Variants in PCDHGA12 observed in about 807,000 individuals in gnomAD.
PCDHGA12 encodes the protein protocadherin gamma-A12.
PCDHGA12 carries 43 observed loss-of-function variants against 61.1 expected under a neutral mutation model. The observed-to-expected ratio is 0.70, with a 90% CI of 0.55 to 0.91. The LOEUF (loss-of-function observed/expected upper bound fraction) is 0.91. Among genes scored for constraint, PCDHGA12 ranks in the 40% least tolerant of loss-of-function variants. PCDHGA12 has a pLI of 0.00. For synonymous variants in PCDHGA12, 520 were observed against 542.9 expected (o/e 0.96, Z 0.59); for missense variants, 1,236 against 1,227.7 (o/e 1.01, Z -0.10).
intron 1 of PCDHGA12, among the ~76,000 whole-genome samples, chr5:141,435,011 A>G (rs2097737147): frequency 6.6e-6 from 1 of 152,126 alleles, no homozygotes; most frequent in African/African-American, 2.4e-5. Flanking sequence ...TTTATCAATG[A>G]TAATGCTCTT....
chr5:141,448,044 C>T (rs2098559539), intron 1 of PCDHGA12, among the ~76,000 whole-genome samples: 1 of 151,942 alleles, frequency 6.6e-6, no homozygotes, highest in African/African-American at 2.4e-5. Context: ...CAAGATCATG[C>T]CATTGCTCTC....
intron 2 of PCDHGA12, among the ~76,000 whole-genome samples, chr5:141,500,428 C>G (rs1224554560): frequency 6.6e-6 from 1 of 151,836 alleles, no homozygotes; most frequent in African/African-American, 2.4e-5. Context: ...CCAGGATGGT[C>G]TCGATCTCCT....
intron 1 of PCDHGA12, among the ~76,000 whole-genome samples, chr5:141,449,869 T>G (rs1003364964): frequency 6.6e-6 from 1 of 151,924 alleles, no homozygotes; most frequent in African/African-American, 2.4e-5. Flanking sequence ...ATCAGAAAAT[T>G]TAACATCAAT....
intron 2 of PCDHGA12, among the ~76,000 whole-genome samples, chr5:141,500,289 A>G (rs1440166636): frequency 6.6e-6 from 1 of 151,486 alleles, no homozygotes; most frequent in African/African-American, 2.4e-5. Flanking sequence ...GCTCACTGCA[A>G]GCTCCGCCTC....
At chr5:141,478,506 ATAGGCAGGTGTTGGG>A in intron 1 of PCDHGA12, 1 of 1,612,314 alleles carries the variant, frequency 6.2e-7, no homozygotes, top group Non-Finnish European at 8.5e-7. Context: ...CCGGTGTTCT[ATAGGCAGGTGTTGGG>A]TGCAGAGAGC....
In PCDHGA12 at chr5:141,505,323, G is replaced by T. The variant is rs996747379; in HGVS notation, c.2484-70G>T. 12 of 1,606,640 alleles carry T rather than the reference G, an allele frequency of 7.5e-6. No homozygotes were observed. In the African/African-American group the frequency reaches 1.5e-4, roughly 20 times the overall value. On this transcript the variant is annotated intron_variant, in intron 2 of 3. Transcript: ENST00000252085. Reference sequence around the variant, plus strand: ...TAGGGTACTAGGTTTGGGAGCCCTGGGAGAGGACAGGAGGGGCATGAGCTG... The same window carrying T: ...TAGGGTACTAGGTTTGGGAGCCCTGTGAGAGGACAGGAGGGGCATGAGCTG...
intron 1 of PCDHGA12, among the ~76,000 whole-genome samples, chr5:141,457,224 A>G (rs1176186371): frequency 6.6e-6 from 1 of 152,158 alleles, no homozygotes; most frequent in African/African-American, 2.4e-5. Flanking sequence ...GTGGTAGGTA[A>G]TTTCCATCTA....
Position 141,432,400 on chromosome 5 carries a change from G to C in PCDHGA12, c.1641G>C (p.Ser547=), listed in dbSNP as rs139153105. ...ACCCGCCCCTCAGCAGCAACGTGTC[G>C]TTGAGCCTGTTCGTGCTGGACCAGA... is the stretch of plus-strand genomic sequence containing the variant. ...NGHPPLSSNV[S]LSLFVLDQND... The change falls in exon 1 of 4, where the codon TCG becomes TCC. Residue 547 remains serine, a synonymous_variant. Coordinates refer to ENST00000252085, the MANE Select transcript of PCDHGA12 (RefSeq NM_003735.3). This position sits in a 1 kb window ranked among gnomAD's most constrained non-coding sequence, Gnocchi z 6.0. 1.2e-6 allele frequency: 2 copies of C among 1,614,240 alleles called. No individual in the cohort carries two copies. Among genetic ancestry groups the C allele is most frequent in the South Asian group, 2.2e-5 (2 of 91,090 alleles).
At position 141,490,108 on chromosome 5, in the gene PCDHGA12, C is replaced by T. The variant is rs566655929; in HGVS notation, c.2425-4699C>T. 1.4e-5 allele frequency: 22 copies of T among 1,614,244 alleles called. No individual in the cohort carries two copies. Among genetic ancestry groups the T allele is most frequent in the South Asian group, 5.5e-5 (5 of 91,090 alleles). The stretch of plus-strand genomic sequence containing the variant: ...TGGAGACCACACATCTGAGGCAGTG[C>T]GGAACCTCTTTGGCCTAGACCCTAG... On this transcript the variant is annotated intron_variant, in intron 1 of 3. Coordinates refer to ENST00000252085, the MANE Select transcript of PCDHGA12 (RefSeq NM_003735.3). This position sits in a 1 kb window ranked among gnomAD's most constrained non-coding sequence, Gnocchi z 5.4.
intron 2 of PCDHGA12, among the ~76,000 whole-genome samples, chr5:141,504,036 G>T (rs1472706342): frequency 6.6e-6 from 1 of 152,080 alleles, no homozygotes; most frequent in African/African-American, 2.4e-5. Flanking sequence ...ACTCATTTAG[G>T]CAACAAATAT....
chr5:141,496,144 T>C (rs1478887814), intron 2 of PCDHGA12, among the ~76,000 whole-genome samples: 1 of 151,780 alleles, frequency 6.6e-6, no homozygotes, highest in Non-Finnish European at 1.5e-5. Context: ...GAGCCTTTGA[T>C]CGCAGCTCTC....
At position 141,476,632 on chromosome 5, in the gene PCDHGA12, T is replaced by A. The variant is rs994726301; in HGVS notation, c.2425-18175T>A. ...TGGGAAGCAACTCTTTACAAACCTATGAGCTGAGCCGAAATGAATACTTTG... is the reference window on the plus strand; with the variant it reads ...TGGGAAGCAACTCTTTACAAACCTAAGAGCTGAGCCGAAATGAATACTTTG... On this transcript the variant is annotated intron_variant, in intron 1 of 3. Transcript: ENST00000252085. The surrounding 1 kb of genome is among the most constrained non-coding windows in gnomAD (Gnocchi z 7.6). 1 of 1,614,216 alleles carries A rather than the reference T, an allele frequency of 6.2e-7. No individual in the cohort carries two copies. The highest frequency in any genetic ancestry group is 8.5e-7 in the Non-Finnish European group (1 of 1,180,028).
chr5:141,449,622 T>A (rs889336036), intron 1 of PCDHGA12, among the ~76,000 whole-genome samples: 1 of 150,910 alleles, frequency 6.6e-6, no homozygotes, highest in African/African-American at 2.4e-5. Context: ...AAAAGTTTTT[T>A]AAAAAGATGT....
chr5:141,492,575 C>T (rs1213639439), intron 1 of PCDHGA12, among the ~76,000 whole-genome samples: 1 of 152,218 alleles, frequency 6.6e-6, no homozygotes, highest in South Asian at 2.1e-4. Flanking sequence ...GAGCGAGGCG[C>T]GGGGCCAGGA....
At chr5:141,443,199 G>C (rs936013020) in intron 1 of PCDHGA12, among the ~76,000 whole-genome samples, 1 of 152,002 alleles carries the variant, frequency 6.6e-6, no homozygotes. Context: ...ATAGTACAAA[G>C]AGCTTGTCTC....
At chr5:141,484,009 TG>T (rs2099590446) in intron 1 of PCDHGA12, among the ~76,000 whole-genome samples, 1 of 14,098 alleles carries the variant, frequency 7.1e-5, no homozygotes, top group Admixed American at 8.3e-4. Context: ...TGGATGAGGG[TG>T]GGGGTGGGGT....
chr5:141,465,483 A>T (rs1279787337), intron 1 of PCDHGA12, among the ~76,000 whole-genome samples: 1 of 152,236 alleles, frequency 6.6e-6, no homozygotes, highest in Non-Finnish European at 1.5e-5. Flanking sequence ...TCATGAGAGG[A>T]ATGAGCGGGA....
chr5:141,506,266 T>A (rs1397052417), intron 3 of PCDHGA12, among the ~76,000 whole-genome samples: 1 of 151,862 alleles, frequency 6.6e-6, no homozygotes, highest in Non-Finnish European at 1.5e-5. Context: ...CTGGCCAACA[T>A]AGTGAAACCC....
At position 141,476,813 on chromosome 5, in the gene PCDHGA12, A is replaced by G. The variant is rs749333814; in HGVS notation, c.2425-17994A>G. The G allele has an allele frequency of 6.8e-6, 11 of 1,613,548 alleles. No individual in the cohort carries two copies. Among genetic ancestry groups the G allele is most frequent in the Non-Finnish European group, 9.3e-6 (11 of 1,180,022 alleles). On this transcript the variant is annotated intron_variant, in intron 1 of 3. Transcript: ENST00000252085. The surrounding 1 kb of genome is among the most constrained non-coding windows in gnomAD (Gnocchi z 7.6). ...CTCCGCCAGCCTGCCTATTCACATC[A>G]AGGTGCTGGACGCGAATGACAATGC...
Sources: gnomAD v4.1 joint callset for allele counts (sites outside exome capture counted in the v4.1 genomes callset) on GRCh38, gnomAD v4.1.1 for gene constraint, Gnocchi (gnomAD v3.1) non-coding constraint, MANE v1.5 for transcripts, NCBI Gene and HGNC (gene_info 2026-07-23, HGNC 2026-07-21) for gene names.